PPHLN1: variants seen among roughly 807,000 people sequenced by gnomAD.
PPHLN1 encodes the protein periphilin 1.
In PPHLN1, 29 loss-of-function variants were observed where a neutral mutation model predicts 51.3. The observed-to-expected ratio is 0.57, with a 90% confidence interval of 0.42 to 0.77. PPHLN1 has a LOEUF of 0.77. Ranked by LOEUF, PPHLN1 falls within the 30% of genes least tolerant of loss-of-function variation. The probability of loss-of-function intolerance (pLI) is 0.00; values close to 1 mark genes in which losing one functional copy is unlikely to be tolerated. For synonymous variants in PPHLN1, 147 were observed against 147.8 expected (o/e 0.99, Z 0.04); for missense variants, 436 against 438.4 (o/e 0.99, Z 0.05).
At chr12:42,346,001 C>G (rs968592131) in intron 2 of PPHLN1, among the ~76,000 whole-genome samples, 5 of 152,032 alleles carry the variant, frequency 3.3e-5, no homozygotes, top group African/African-American at 1.2e-4. Context: ...TGCAGGTACA[C>G]ATGGATGCAT....
chr12:42,385,067 A>G, intron 6 of PPHLN1, 71 bp downstream of exon 6: 1 of 1,449,006 alleles, frequency 6.9e-7, no homozygotes, highest in Admixed American at 1.7e-5. Context: ...GCGGTTATGG[A>G]AATGGGGAAA....
intron 7 of PPHLN1, among the ~76,000 whole-genome samples, chr12:42,392,130 C>T (rs531966595): frequency 3.3e-5 from 5 of 152,234 alleles, no homozygotes; most frequent in East Asian, 1.9e-4. Flanking sequence ...GTTGGGGAAT[C>T]GCTTGAACCC....
intron 9 of PPHLN1, among the ~76,000 whole-genome samples, chr12:42,406,785 A>G (rs907593374): frequency 6.6e-6 from 1 of 151,902 alleles, no homozygotes; most frequent in African/African-American, 2.4e-5. Context: ...AATCTTTCCT[A>G]TTGTTATTTG....
chr12:42,417,237 A>G (rs765348352), intron 9 of PPHLN1, among the ~76,000 whole-genome samples: 3 of 152,258 alleles, frequency 2.0e-5, no homozygotes, highest in Non-Finnish European at 4.4e-5. Flanking sequence ...GAGGAAAAAC[A>G]GAATAACTGA....
At chr12:42,335,738 ATTCT>A (rs964942121) in intron 1 of PPHLN1, 141 bp from the exon 2 acceptor site, 13 of 384,994 alleles carry the variant, frequency 3.4e-5, no homozygotes, top group African/African-American at 2.6e-4. Flanking sequence ...TGGAAGAAAC[ATTCT>A]TTCTTTTGGT....
chr12:42,425,391 T>TCCTCAGGTTTTTAA (rs1555220158), intron 9 of PPHLN1, among the ~76,000 whole-genome samples: 3 of 147,842 alleles, frequency 2.0e-5, no homozygotes, highest in Admixed American at 6.8e-5. Flanking sequence ...GCGCCCAGCC[T>TCCTCAGGTTTTTAA]ATTTTATTTT....
chr12:42,342,255 A>G (rs10880290), intron 2 of PPHLN1, among the ~76,000 whole-genome samples: 22,968 of 150,648 alleles, frequency 0.15, 1,804 homozygotes, highest in Admixed American at 0.2. Flanking sequence ...TCATTCATTC[A>G]TTCGTTCATA....
chr12:42,386,293 T>G (rs939665462), intron 6 of PPHLN1, among the ~76,000 whole-genome samples: 1 of 152,210 alleles, frequency 6.6e-6, no homozygotes, highest in East Asian at 1.9e-4. Flanking sequence ...TACTACCAAA[T>G]GTCTGTGGAG....
At chr12:42,424,746 AT>A (rs2081280116) in intron 9 of PPHLN1, among the ~76,000 whole-genome samples, 3 of 152,194 alleles carry the variant, frequency 2.0e-5, no homozygotes. Flanking sequence ...TATGGCATAC[AT>A]TTTGAAAGTC....
chr12:42,404,567 A>G (rs1285625782), intron 9 of PPHLN1, among the ~76,000 whole-genome samples: 1 of 152,108 alleles, frequency 6.6e-6, no homozygotes, highest in Non-Finnish European at 1.5e-5. Flanking sequence ...ATTTCATAGC[A>G]AGTTTGTGAT....
chr12:42,408,859 G>C (rs2079551913), intron 9 of PPHLN1, among the ~76,000 whole-genome samples: 1 of 152,006 alleles, frequency 6.6e-6, no homozygotes. Context: ...CTATTCCTTT[G>C]GTAATTCCTT....
chr12:42,440,279 C>G (rs2082835955), intron 9 of PPHLN1, among the ~76,000 whole-genome samples: 2 of 152,064 alleles, frequency 1.3e-5, no homozygotes, highest in South Asian at 4.1e-4. Context: ...ATTACATTTG[C>G]TCATTACTGG....
At chr12:42,380,072 T>C (rs1409580150) in intron 5 of PPHLN1, among the ~76,000 whole-genome samples, 1 of 152,074 alleles carries the variant, frequency 6.6e-6, no homozygotes, top group Non-Finnish European at 1.5e-5. Flanking sequence ...TCTTAAGTTA[T>C]AAAATATTTC....
intron 4 of PPHLN1, among the ~76,000 whole-genome samples, chr12:42,371,930 A>G (rs1482069846): frequency 6.6e-6 from 1 of 152,152 alleles, no homozygotes; most frequent in Non-Finnish European, 1.5e-5. Flanking sequence ...ATATTAATCT[A>G]AATCTCATCT....
downstream of PPHLN1, chr12:42,446,124 G>GGACGACACAGCTTC: frequency 6.4e-7 from 1 of 1,566,930 alleles, no homozygotes; most frequent in Non-Finnish European, 8.7e-7. Flanking sequence ...CGGGTTCGTC[G>GGACGACACAGCTTC]GACGACACAG....
At chr12:42,367,358 C>T (rs549237802) in intron 4 of PPHLN1, among the ~76,000 whole-genome samples, 1 of 151,778 alleles carries the variant, frequency 6.6e-6, no homozygotes, top group Non-Finnish European at 1.5e-5. Flanking sequence ...AATTTTTATC[C>T]CCTAGTATAA....
chr12:42,342,094 C>T lies in PPHLN1; in HGVS notation c.72+6120C>T, dbSNP rs575477284. ...CTTCTTCTATAGGAAGGAAATCAGT[C>T]ACCACAGAATATCTACACTTCTAGG... On this transcript the variant is annotated intron_variant, in intron 2 of 9. Transcript: ENST00000358314. Among the ~76,000 whole-genome samples, 11 of 152,142 alleles carry T rather than the reference C, an allele frequency of 7.2e-5. No homozygotes were observed. In the South Asian group the frequency reaches 1.7e-3, roughly 23 times the overall value.
At chr12:42,443,979 T>A (rs992018869), downstream of PPHLN1, 1 of 152,214 alleles carries the variant, frequency 6.6e-6, no homozygotes, top group Non-Finnish European at 1.5e-5. Flanking sequence ...GTGTCAGTAT[T>A]ATGTAAATCA....
At chr12:42,330,943 T>A (rs2069634664) in intron 1 of PPHLN1, among the ~76,000 whole-genome samples, 1 of 152,190 alleles carries the variant, frequency 6.6e-6, no homozygotes, top group Admixed American at 6.5e-5. Flanking sequence ...TCTCCTGACC[T>A]TGTGATCCGC....
Sources: allele counts gnomAD v4.1 joint callset (sites outside exome capture counted in the v4.1 genomes callset), GRCh38; gene constraint gnomAD v4.1.1; transcripts MANE v1.5; gene names NCBI Gene and HGNC (gene_info 2026-07-23, HGNC 2026-07-21).